ASIC5: variants seen among roughly 807,000 people sequenced by gnomAD.
ASIC5 encodes acid sensing ion channel subunit family member 5.
A neutral mutation model predicts 51.2 loss-of-function variants in ASIC5; 52 were observed. The ratio of observed to expected loss-of-function variants is 1.02; its 90% CI spans 0.81 to 1.28. The LOEUF is 1.28. Ranked by LOEUF, ASIC5 falls within the 50% of genes most tolerant of loss-of-function variation. The pLI is 0.00. For missense variants in ASIC5, 635 were observed against 595.0 expected (o/e 1.07, Z -0.70); for synonymous variants, 231 against 200.7 (o/e 1.15, Z -1.28).
chr4:155,837,265 A>G (rs1469314675), intron 7 of ASIC5, among the ~76,000 whole-genome samples: 1 of 152,020 alleles, frequency 6.6e-6, no homozygotes, highest in African/African-American at 2.4e-5. Flanking sequence ...AAAGATGGAA[A>G]GTGTGTAAAC....
In ASIC5 at chr4:155,830,841, T is replaced by C. The variant is rs531181842; in HGVS notation, c.1328-795A>G. Among the ~76,000 whole-genome samples the C allele has an allele frequency of 4.3e-4, 65 of 152,194 alleles. 1 individual carries two copies. The highest frequency in any genetic ancestry group is 8.8e-4 in the Non-Finnish European group (60 of 68,026). ...TCCAGCAGTGCTTTCATAAACAGAT[T>C]ACATTATTAATCATTATCTCATTGC... On this transcript the variant is annotated intron_variant, in intron 9 of 9. Transcript: ENST00000537611.
At chr4:155,864,772 G>T (rs1414369664) in intron 1 of ASIC5, 1 of 152,090 alleles carries the variant, frequency 6.6e-6, no homozygotes, top group Non-Finnish European at 1.5e-5. Context: ...GTACTCAAGG[G>T]TATTAGCTAT....
In ASIC5 at chr4:155,829,890, T is replaced by C; in HGVS notation, c.1484A>G (p.His495Arg). Residue 495 changes from histidine to arginine, a missense_variant, in exon 10 of 10, where the codon CAT becomes CGT. Transcript: ENST00000537611. ...CTCTATCCTATTTTTATTTCCCAGA[T>C]GATTCTGAGGTGGAGGAGTCCACTG... ...MTQWTPPPQNHLGNKNRIEEC is the reference protein window; with the variant it reads ...MTQWTPPPQNRLGNKNRIEEC 2 of 1,597,588 alleles carry C rather than the reference T, an allele frequency of 1.3e-6. No individual in the cohort carries two copies. The highest frequency in any genetic ancestry group is 2.3e-5 in the South Asian group (2 of 87,630).
At chr4:155,841,706 C>G (rs979773803) in intron 6 of ASIC5, among the ~76,000 whole-genome samples, 1 of 152,088 alleles carries the variant, frequency 6.6e-6, no homozygotes, top group Non-Finnish European at 1.5e-5. Flanking sequence ...TTAAGAAAAT[C>G]TTGGTGTGCT....
intron 4 of ASIC5, among the ~76,000 whole-genome samples, chr4:155,844,608 T>C (rs1029852401): frequency 1.1e-4 from 8 of 71,818 alleles, no homozygotes; most frequent in Admixed American, 6.4e-4. Context: ...GTTTCTCTCT[T>C]GTGGGGTTGT....
intron 9 of ASIC5, among the ~76,000 whole-genome samples, chr4:155,830,271 C>G (rs980604022): frequency 1.3e-5 from 2 of 151,982 alleles, no homozygotes; most frequent in African/African-American, 2.4e-5. Flanking sequence ...AACATAAAAT[C>G]TGATTCCAAA....
At position 155,866,183 on chromosome 4, in the gene ASIC5, T is replaced by C. The variant is rs1446210087; in HGVS notation, c.40+4A>G. The C allele has an allele frequency of 3.8e-6, 6 of 1,590,272 alleles. No individual in the cohort carries two copies. The highest frequency in any genetic ancestry group is 5.2e-6 in the Non-Finnish European group (6 of 1,159,222). On this transcript the variant is annotated splice_donor_region_variant and intron_variant, in intron 1 of 9. Coordinates refer to ENST00000537611, the MANE Select transcript of ASIC5 (RefSeq NM_017419.3). ...CTGCTCTGAGGAGTTCACTCTTTAC[T>C]CACCGTTCTCAGCATATACTTTTGA... is the stretch of plus-strand genomic sequence containing the variant.
At chr4:155,862,516 A>G (rs992787339) in intron 2 of ASIC5, among the ~76,000 whole-genome samples, 3 of 152,046 alleles carry the variant, frequency 2.0e-5, no homozygotes, top group Non-Finnish European at 2.9e-5. Flanking sequence ...CAAAAATCCT[A>G]TGTATGGTAT....
intron 3 of ASIC5, 70 bp downstream of exon 3, chr4:155,854,007 G>A (rs1242226805): frequency 2.5e-5 from 29 of 1,163,094 alleles, no homozygotes; most frequent in Middle Eastern, 2.0e-4. Flanking sequence ...TGCCGTGGGA[G>A]CTCAATGTGA....
chr4:155,834,362 T>C (rs1740932798), intron 8 of ASIC5, among the ~76,000 whole-genome samples: 2 of 152,188 alleles, frequency 1.3e-5, no homozygotes, highest in African/African-American at 4.8e-5. Flanking sequence ...TTTGCCGTCC[T>C]GACAAACTGC....
chr4:155,830,095 C>G, intron 9 of ASIC5, 49 bp from the exon 10 acceptor site: 11 of 1,312,798 alleles, frequency 8.4e-6, no homozygotes, highest in Non-Finnish European at 9.2e-6. Flanking sequence ...TCATAAAAAA[C>G]AAATATTATT....
In ASIC5 at chr4:155,863,543, C is replaced by A. The variant is rs1741773005; in HGVS notation, c.252G>T (p.Leu84Phe). 1.2e-6 allele frequency: 2 copies of A among 1,613,640 alleles called. No homozygotes were observed. The highest frequency in any genetic ancestry group is 1.7e-6 in the Non-Finnish European group (2 of 1,179,880). ...TGGTTGGCCATGTGAAGTAGTTGAG[C>A]AAGCGAATGTAGATCTGCCATGTCA... The part of the protein sequence containing the change: ...SLVTWQIYIR[L>F]LNYFTWPTTT... Residue 84 changes from leucine to phenylalanine, a missense_variant, in exon 2 of 10, where the codon TTG (leucine) becomes TTT (phenylalanine). By Grantham distance (22) the Leu-to-Phe change is conservative. Transcript: ENST00000537611.
chr4:155,857,025 A>G (rs1302564616), intron 2 of ASIC5, among the ~76,000 whole-genome samples: 2 of 152,220 alleles, frequency 1.3e-5, no homozygotes, highest in East Asian at 3.9e-4. Flanking sequence ...AATTAAATTT[A>G]ATAAATAAAG....
In ASIC5 at chr4:155,866,252, C is replaced by T. The variant is rs1321781550; in HGVS notation, c.-26G>A. On this transcript the variant is annotated 5_prime_UTR_variant, in exon 1 of 10. Transcript: ENST00000537611. ...TTGTGATTTCAGTTAAGCAAGAGTC[C>T]TCAGGGTAACCCAATTTTCATCAAT... The T allele has an allele frequency of 1.9e-6, 3 of 1,588,602 alleles. No homozygotes were observed. The highest frequency in any genetic ancestry group is 3.4e-5 in the Admixed American group (2 of 59,316).
rs776550730 is a variant in ASIC5 at position 155,852,253 on chromosome 4, G to A, written c.649C>T (p.Gln217Ter). 37 of 1,607,346 alleles carry A rather than the reference G, an allele frequency of 2.3e-5. No homozygotes were observed. The highest frequency in any genetic ancestry group is 1.7e-4 in the Middle Eastern group (1 of 6,058). The change falls in exon 4 of 10, where the codon CAA becomes TAA. Residue 217 changes from glutamine (Q) to a stop codon, truncating the protein, a stop_gained. Coordinates refer to ENST00000537611, the MANE Select transcript of ASIC5 (RefSeq NM_017419.3). LOFTEE classifies it high-confidence loss of function. ...GAGACACTCACTTTTCTCTTTGCTT[G>A]GAGAGTTTCACCATGATTAAAAGTA... is the stretch of plus-strand genomic sequence containing the variant. ...CFTFNHGETL[Q>*]AKRKVSVSGR...
At chr4:155,852,359 T>G (rs1169865565) in intron 3 of ASIC5, 43 bp from the exon 4 acceptor site, 1 of 1,561,346 alleles carries the variant, frequency 6.4e-7, no homozygotes, top group Admixed American at 2.2e-5. Flanking sequence ...CAATTTGATA[T>G]TTTTGTCACT....
Position 155,838,274 on chromosome 4 carries a change from C to T in ASIC5, c.1066+539G>A, listed in dbSNP as rs548696477. ...ACAGTAGGATATACTAAAGTGTTAG[C>T]GATTATTGCAGGTTAAGGTAAGAGG... On this transcript the variant is annotated intron_variant, in intron 7 of 9. Transcript: ENST00000537611. Among the ~76,000 whole-genome samples the T allele has an allele frequency of 2.8e-4, 42 of 151,934 alleles. No individual in the cohort carries two copies. In the South Asian group the frequency reaches 7.3e-3, roughly 26 times the overall value.
Position 155,830,013 on chromosome 4 carries a change from C to A in ASIC5, c.1361G>T (p.Gly454Val). ...TTCTATGATCGTGATCAGACTGGCC[C>A]CACAAAATAGACCCAGCTGACCACC... Reference protein sequence around the residue: ...DLGGQLGLFCGASLITIIEII... With the variant: ...DLGGQLGLFCVASLITIIEII... The change falls in exon 10 of 10, where the codon GGG becomes GTG. Residue 454 changes from glycine to valine, a missense_variant. By Grantham distance (109) the Gly-to-Val change is moderately radical (BLOSUM62 -3). Transcript: ENST00000537611. 6.4e-7 allele frequency: 1 copy of A among 1,574,246 alleles called. No homozygotes were observed. The highest frequency in any genetic ancestry group is 8.6e-7 in the Non-Finnish European group (1 of 1,161,696).
rs868011388 is a variant in ASIC5, at chr4:155,848,497, T to C, written c.711+3694A>G. ...TTAATGGAAAGGCCTGTAATTCTGA[T>C]ATGACTTAGTGTACATTATCAATAA... On this transcript the variant is annotated intron_variant, in intron 4 of 9. Transcript: ENST00000537611. 3.3e-5 allele frequency among the ~76,000 whole-genome samples: 5 copies of C among 152,088 alleles called. No homozygotes were observed. In the South Asian group the frequency reaches 1.0e-3, roughly 31 times the overall value.
Sources: allele counts gnomAD v4.1 joint callset (sites outside exome capture counted in the v4.1 genomes callset), GRCh38; gene constraint gnomAD v4.1.1; transcripts MANE v1.5; gene names NCBI Gene and HGNC (gene_info 2026-07-23, HGNC 2026-07-21).